The following SYNE1 variants were observed in gnomAD, a reference collection of about 807,000 sequenced individuals.
SYNE1 encodes the protein spectrin repeat containing nuclear envelope protein 1.
SYNE1 carries 616 observed loss-of-function variants against 1,111.0 expected under a neutral mutation model. That is an observed-to-expected ratio of 0.55 (90% CI 0.52 to 0.59). The LOEUF (loss-of-function observed/expected upper bound fraction) is 0.59, where lower values mean the gene tolerates loss of function less well. SYNE1 is among the 20% of genes least tolerant of loss of function. The pLI is 0.00. For synonymous variants in SYNE1, 3,855 were observed against 3,825.8 expected (o/e 1.01, Z -0.28); for missense variants, 10,006 against 10,417.0 (o/e 0.96, Z 1.72).
At chr6:152,391,774 G>T (rs2097645385) in intron 51 of SYNE1, among the ~76,000 whole-genome samples, 1 of 152,036 alleles carries the variant, frequency 6.6e-6, no homozygotes, top group South Asian at 2.1e-4. Context: ...CCTATCAGGG[G>T]ATAACATTCA....
chr6:152,421,670 A>T (rs978164143), intron 39 of SYNE1, among the ~76,000 whole-genome samples: 17 of 144,080 alleles, frequency 1.2e-4, no homozygotes, highest in Admixed American at 2.8e-4. Flanking sequence ...CATTTTCCTT[A>T]TTTTATTTAT....
At chr6:152,489,507 G>A (rs1220869970) in intron 11 of SYNE1, among the ~76,000 whole-genome samples, 2 of 140,036 alleles carry the variant, frequency 1.4e-5, no homozygotes, top group African/African-American at 5.5e-5. Flanking sequence ...ACTACAGGAT[G>A]TACTAAAGGG....
chr6:152,543,542 T>C (rs1284444152), intron 3 of SYNE1, among the ~76,000 whole-genome samples: 2 of 152,186 alleles, frequency 1.3e-5, no homozygotes, highest in Non-Finnish European at 2.9e-5. Context: ...TGTTAAAAGT[T>C]TAATGAACAA....
At chr6:152,295,234 G>A (rs905439202) in intron 93 of SYNE1, among the ~76,000 whole-genome samples, 8 of 152,156 alleles carry the variant, frequency 5.3e-5, no homozygotes, top group African/African-American at 1.9e-4. Context: ...AATAATATTT[G>A]AGTGACTATG....
At chr6:152,585,002 G>A (rs1467467814) in intron 3 of SYNE1, among the ~76,000 whole-genome samples, 2 of 152,128 alleles carry the variant, frequency 1.3e-5, no homozygotes, top group Non-Finnish European at 2.9e-5. Context: ...TGTAGTTCCC[G>A]TAATCCCTAC....
chr6:152,526,064 A>C lies in SYNE1; in HGVS notation c.225+16T>G, dbSNP rs778152981. The C allele has an allele frequency of 2.4e-5, 38 of 1,611,478 alleles. No individual in the cohort carries two copies. In the Admixed American group the frequency reaches 5.0e-4, roughly 21 times the overall value. ...GAAACAATTTGACAAGTATGATCAC[A>C]CAAAAAAATTCTTACCAGTTTCTGC... On this transcript the variant is annotated intron_variant, in intron 5 of 145. Transcript: ENST00000367255.
intron 3 of SYNE1, among the ~76,000 whole-genome samples, chr6:152,576,462 C>T (rs995874641): frequency 5.9e-5 from 9 of 152,108 alleles, no homozygotes; most frequent in Non-Finnish European, 2.9e-5. Flanking sequence ...GGTGTGTTTT[C>T]CTTTCTAAAC....
Position 152,219,144 on chromosome 6 carries a change from A to C in SYNE1, c.21903T>G (p.Phe7301Leu), listed in dbSNP as rs1415687146. The C allele has an allele frequency of 6.2e-6, 10 of 1,613,986 alleles. No homozygotes were observed. Among genetic ancestry groups the C allele is most frequent in the Non-Finnish European group, 8.5e-6 (10 of 1,179,990 alleles). The change falls in exon 120 of 146, where the codon TTT becomes TTG. Residue 7301 changes from phenylalanine (F) to leucine (L), a missense_variant. Transcript: ENST00000367255. ...GTTGCTCTCCCAGCTCATGGAGAAAAAAGAGGGAATCTTTAACTGTGCCCA... is the reference window on the plus strand; with the variant it reads ...GTTGCTCTCCCAGCTCATGGAGAAACAAGAGGGAATCTTTAACTGTGCCCA... ...KGLGTVKDSL[F>L]FLHELGEQLK... is the part of the protein sequence containing the mutation.
At chr6:152,451,658 A>G (rs1170957919) in intron 25 of SYNE1, among the ~76,000 whole-genome samples, 1 of 151,218 alleles carries the variant, frequency 6.6e-6, no homozygotes, top group Non-Finnish European at 1.5e-5. Flanking sequence ...CTTTTTGTAC[A>G]TTTAGTTGAG....
In SYNE1 at chr6:152,239,710, C is replaced by A; in HGVS notation, c.19894-4G>T. The A allele has an allele frequency of 6.2e-7, 1 of 1,614,028 alleles. No homozygotes were observed. The highest frequency in any genetic ancestry group is 1.1e-5 in the South Asian group (1 of 91,080). On this transcript the variant is annotated splice_polypyrimidine_tract_variant and splice_region_variant and intron_variant, in intron 107 of 145. Coordinates refer to ENST00000367255, the MANE Select transcript of SYNE1 (RefSeq NM_182961.4). Reference sequence around the variant, plus strand: ...ATTCCAGGCCCTGAAAGTATTCCTGCAATTTTTCAGGAAGAAAGAAGTCAG... The same window carrying A: ...ATTCCAGGCCCTGAAAGTATTCCTGAAATTTTTCAGGAAGAAAGAAGTCAG...
At chr6:152,309,006 G>A (rs2095467356) in intron 90 of SYNE1, among the ~76,000 whole-genome samples, 2 of 152,226 alleles carry the variant, frequency 1.3e-5, no homozygotes. Flanking sequence ...TTATCTAAGT[G>A]CTACGGTAGG....
intron 59 of SYNE1, 66 bp downstream of exon 59, chr6:152,372,971 A>G: frequency 6.4e-7 from 1 of 1,567,640 alleles, no homozygotes; most frequent in Admixed American, 1.7e-5. Context: ...AGAAACTGTG[A>G]TTTCACTAAC....
chr6:152,587,277 G>A (rs1179811570), intron 3 of SYNE1, among the ~76,000 whole-genome samples: 3 of 152,060 alleles, frequency 2.0e-5, no homozygotes, highest in African/African-American at 7.2e-5. Flanking sequence ...ATAAGTCTCA[G>A]GGAAAAATAA....
In SYNE1 at chr6:152,220,918, G is replaced by A. The variant is rs764961400; in HGVS notation, c.21785C>T (p.Thr7262Ile). The A allele has an allele frequency of 1.2e-6, 2 of 1,614,152 alleles. No homozygotes were observed. Among genetic ancestry groups the A allele is most frequent in the South Asian group, 2.2e-5 (2 of 91,084 alleles). Reference protein sequence around the residue: ...ASTVQQQEDRTNELLKAATNK... With the variant: ...ASTVQQQEDRINELLKAATNK... ...TGTGGCTGCCTTCAACAGCTCATTG[G>A]TTCGATCCTCCTGCTGCTGAACTGT... The change falls in exon 119 of 146, where the codon ACC becomes ATC. Residue 7262 changes from threonine (T) to isoleucine (I), a missense_variant. Physicochemically the swap from Thr to Ile is moderately conservative, Grantham distance 89. Transcript: ENST00000367255.
In SYNE1 at chr6:152,426,164, A is replaced by G. The variant is rs185701675; in HGVS notation, c.5101-617T>C. 5.3e-5 allele frequency among the ~76,000 whole-genome samples: 8 copies of G among 152,358 alleles called. No homozygotes were observed. The East Asian group carries it at 1.3e-3, about 26-fold the overall frequency. ...AGTTGTGGCTCCTACCTAACAAAAGATAAAATATAAACACTCCAATAGATA... is the reference window on the plus strand; with the variant it reads ...AGTTGTGGCTCCTACCTAACAAAAGGTAAAATATAAACACTCCAATAGATA... On this transcript the variant is annotated intron_variant, in intron 38 of 145. Coordinates refer to ENST00000367255, the MANE Select transcript of SYNE1 (RefSeq NM_182961.4).
intron 133 of SYNE1, among the ~76,000 whole-genome samples, chr6:152,152,837 A>G (rs553637402): frequency 1.1e-4 from 16 of 152,312 alleles, no homozygotes; most frequent in Admixed American, 4.6e-4. Flanking sequence ...TGTTAGAGCT[A>G]GTGTACCACC....
intron 36 of SYNE1, 108 bp from the exon 37 acceptor site, chr6:152,428,500 A>T (rs1180539612): frequency 9.5e-7 from 1 of 1,055,176 alleles, no homozygotes; most frequent in East Asian, 2.5e-5. Flanking sequence ...CATAATAAAC[A>T]GGAATAGCAC....
At chr6:152,496,164 T>A (rs1344094624) in intron 11 of SYNE1, among the ~76,000 whole-genome samples, 1 of 152,210 alleles carries the variant, frequency 6.6e-6, no homozygotes, top group Non-Finnish European at 1.5e-5. Flanking sequence ...AACAGCTTCC[T>A]CTTCCCCTCA....
At chr6:152,554,987 C>G (rs6923710) in intron 3 of SYNE1, among the ~76,000 whole-genome samples, 29,092 of 152,084 alleles carry the variant, frequency 0.19, 3,040 homozygotes, top group Middle Eastern at 0.29. Context: ...AGTTACTTCT[C>G]AAATCACCAG....
Sources: gnomAD v4.1 joint callset for allele counts (sites outside exome capture counted in the v4.1 genomes callset) on GRCh38, gnomAD v4.1.1 for gene constraint, MANE v1.5 for transcripts, NCBI Gene and HGNC (gene_info 2026-07-23, HGNC 2026-07-21) for gene names.